Variants in EBF2 observed in about 807,000 individuals in gnomAD.
The protein encoded by EBF2 is EBF transcription factor 2.
A neutral mutation model predicts 72.8 loss-of-function variants in EBF2; 21 were observed. The observed-to-expected ratio is 0.29, with a 90% CI of 0.20 to 0.42. The LOEUF (loss-of-function observed/expected upper bound fraction) is 0.42. Ranked by LOEUF, EBF2 falls within the 10% of genes least tolerant of loss-of-function variation. EBF2 has a pLI of 1.00. For missense variants in EBF2, 637 were observed against 731.2 expected, an observed-to-expected ratio of 0.87 and a Z score of 1.49; for synonymous variants, 299 against 274.2, an observed-to-expected ratio of 1.09 and a Z score of -0.89.
intron 6 of EBF2, among the ~76,000 whole-genome samples, chr8:25,942,137 C>T (rs1197992329): frequency 6.6e-6 from 1 of 152,184 alleles, no homozygotes; most frequent in Non-Finnish European, 1.5e-5. Context: ...GCACCGGAAA[C>T]ACGCAGGGGG....
chr8:25,866,750 G>A (rs941634333), intron 10 of EBF2, among the ~76,000 whole-genome samples: 5 of 149,282 alleles, frequency 3.3e-5, no homozygotes, highest in African/African-American at 9.9e-5. Flanking sequence ...TCCTGTCTCA[G>A]CCTCCCTAGT....
intron 6 of EBF2, among the ~76,000 whole-genome samples, chr8:25,947,082 C>T (rs554307387): frequency 2.1e-4 from 32 of 152,274 alleles, no homozygotes; most frequent in African/African-American, 6.7e-4. Context: ...GCTGTCTCCC[C>T]GATGCTCAAC....
At chr8:25,899,555 G>C (rs1802915610) in intron 7 of EBF2, among the ~76,000 whole-genome samples, 4 of 152,178 alleles carry the variant, frequency 2.6e-5, no homozygotes, top group African/African-American at 9.7e-5. Flanking sequence ...ACGGGTGTGA[G>C]AGAAACATTC....
At chr8:26,019,311 G>T (rs572554775) in intron 6 of EBF2, among the ~76,000 whole-genome samples, 9 of 148,218 alleles carry the variant, frequency 6.1e-5, no homozygotes, top group Non-Finnish European at 1.4e-4. Flanking sequence ...AAAAAAAAAG[G>T]TTGGCTTTGG....
rs201410164 is a variant in EBF2, at chr8:25,844,715, C to T, written c.1697-75G>A. 9 of 1,562,582 alleles carry T rather than the reference C, an allele frequency of 5.8e-6. No homozygotes were observed. The Admixed American group carries it at 1.2e-4, about 20-fold the overall frequency. On this transcript the variant is annotated intron_variant, in intron 15 of 15. Coordinates refer to ENST00000520164, the MANE Select transcript of EBF2 (RefSeq NM_022659.4). ...CAAGGCTATGACACAGAATGAGGGG[C>T]AGGGGATGGGAATGATAGAGTCTGA...
intron 6 of EBF2, among the ~76,000 whole-genome samples, chr8:26,009,441 G>A (rs1037520682): frequency 6.6e-6 from 1 of 152,162 alleles, no homozygotes; most frequent in Non-Finnish European, 1.5e-5. Context: ...CAGAAAGCAA[G>A]CATGTGCTTA....
chr8:25,885,865 C>T (rs746464226), intron 10 of EBF2, among the ~76,000 whole-genome samples: 71 of 152,158 alleles, frequency 4.7e-4, no homozygotes, highest in Non-Finnish European at 1.8e-4. Context: ...AGCATGAAAA[C>T]GGACTAATAC....
intron 13 of EBF2, among the ~76,000 whole-genome samples, chr8:25,859,721 C>T (rs1802174767): frequency 7.0e-6 from 1 of 142,960 alleles, no homozygotes; most frequent in African/African-American, 2.6e-5. Flanking sequence ...CCTGTCTAGT[C>T]TTTTTTTTTT....
chr8:25,881,527 T>C (rs970749185), intron 10 of EBF2, among the ~76,000 whole-genome samples: 1 of 152,174 alleles, frequency 6.6e-6, no homozygotes, highest in African/African-American at 2.4e-5. Context: ...ATAAGGCTAA[T>C]GGTAATGACA....
chr8:25,990,942 A>G (rs1020282347), intron 6 of EBF2, among the ~76,000 whole-genome samples: 5 of 152,218 alleles, frequency 3.3e-5, no homozygotes, highest in African/African-American at 1.2e-4. Flanking sequence ...TTAAAATGGT[A>G]AAATAAACTT....
In EBF2 at chr8:25,880,266, C is replaced by T. The variant is rs566058956; in HGVS notation, c.1009+6489G>A. On this transcript the variant is annotated intron_variant, in intron 10 of 15. Transcript: ENST00000520164. Reference sequence around the variant, plus strand: ...TTGACACACAAACATTTTCCTTTTACGTAATCACATCTTTTGCTTGATGGT... The same window carrying T: ...TTGACACACAAACATTTTCCTTTTATGTAATCACATCTTTTGCTTGATGGT... 4.3e-4 allele frequency among the ~76,000 whole-genome samples: 65 copies of T among 152,262 alleles called. 1 individual carries two copies. In the South Asian group the frequency reaches 7.5e-3, roughly 17 times the overall value.
chr8:25,896,039 TC>T (rs991364729), intron 7 of EBF2, among the ~76,000 whole-genome samples: 13 of 152,154 alleles, frequency 8.5e-5, no homozygotes, highest in African/African-American at 2.9e-4. Flanking sequence ...TGGGCCCTAC[TC>T]CCAGCTAGGC....
chr8:26,029,403 C>T (rs142244978), intron 6 of EBF2, among the ~76,000 whole-genome samples: 24 of 152,264 alleles, frequency 1.6e-4, no homozygotes, highest in East Asian at 7.7e-4. Flanking sequence ...TTTTGTTATA[C>T]GTTTTTGATT....
intron 6 of EBF2, among the ~76,000 whole-genome samples, chr8:25,910,410 A>G (rs1375374034): frequency 6.6e-6 from 1 of 152,054 alleles, no homozygotes; most frequent in East Asian, 1.9e-4. Context: ...CTAAACCCAA[A>G]TGGAGGGCTT....
chr8:25,879,621 AC>A (rs1159671575), intron 10 of EBF2, among the ~76,000 whole-genome samples: 1 of 152,076 alleles, frequency 6.6e-6, no homozygotes, highest in African/African-American at 2.4e-5. Context: ...TCTCCAACTG[AC>A]TTCAGGGACA....
intron 9 of EBF2, among the ~76,000 whole-genome samples, 165 bp from the exon 10 acceptor site, chr8:25,887,046 CCTGTCTCTGT>C (rs1179290155): frequency 6.6e-6 from 1 of 152,082 alleles, no homozygotes; most frequent in Non-Finnish European, 1.5e-5. Flanking sequence ...ACATCCCTGT[CCTGTCTCTGT>C]CTGTCTCTGT....
chr8:25,860,847 C>T (rs978313282), intron 13 of EBF2, among the ~76,000 whole-genome samples: 3 of 152,216 alleles, frequency 2.0e-5, no homozygotes, highest in Non-Finnish European at 4.4e-5. Context: ...TAAATATTTC[C>T]AGACATTCTA....
chr8:25,857,771 G>A (rs896353762), intron 14 of EBF2, among the ~76,000 whole-genome samples: 3 of 152,122 alleles, frequency 2.0e-5, no homozygotes, highest in African/African-American at 7.2e-5. Context: ...GGTACTGAAA[G>A]GAGGGGAAAA....
At chr8:25,852,118 AAAAG>A (rs1253140042) in intron 14 of EBF2, among the ~76,000 whole-genome samples, 1 of 152,190 alleles carries the variant, frequency 6.6e-6, no homozygotes, top group Non-Finnish European at 1.5e-5. Context: ...TATATGGATA[AAAAG>A]AAAAAAATTG....
Sources: gnomAD v4.1 joint callset for allele counts (sites outside exome capture counted in the v4.1 genomes callset) on GRCh38, gnomAD v4.1.1 for gene constraint, MANE v1.5 for transcripts, NCBI Gene and HGNC (gene_info 2026-07-23, HGNC 2026-07-21) for gene names.